SORL1: variants seen among roughly 807,000 people sequenced by gnomAD.
SORL1 encodes the protein sortilin related receptor 1, also known as sortilin-related receptor.
In SORL1, 127 loss-of-function variants were observed where a neutral mutation model predicts 273.7. The ratio of observed to expected loss-of-function variants is 0.46; its 90% CI spans 0.40 to 0.54. The LOEUF is 0.54. Among genes scored for constraint, SORL1 ranks in the 20% least tolerant of loss-of-function variants. The probability of loss-of-function intolerance (pLI) is 0.00; values close to 1 mark genes in which losing one functional copy is unlikely to be tolerated. For synonymous variants in SORL1, 1,031 were observed against 1,067.4 expected (o/e 0.97, Z 0.66); for missense variants, 2,494 against 2,846.1 (o/e 0.88, Z 2.81).
At chr11:121,549,253 T>TG (rs975167386) in intron 14 of SORL1, among the ~76,000 whole-genome samples, 8 of 152,158 alleles carry the variant, frequency 5.3e-5, no homozygotes, top group African/African-American at 1.9e-4. Flanking sequence ...GACAGGGGCT[T>TG]GCTCTGTTGC....
chr11:121,516,796 G>A (rs1861960799), intron 8 of SORL1, among the ~76,000 whole-genome samples: 1 of 152,168 alleles, frequency 6.6e-6, no homozygotes, highest in Admixed American at 6.5e-5. Context: ...GCTCACGCCT[G>A]TAAACCCAGC....
chr11:121,532,641 C>A, intron 12 of SORL1, 89 bp downstream of exon 12: 1 of 1,060,784 alleles, frequency 9.4e-7, no homozygotes, highest in Non-Finnish European at 1.4e-6. Flanking sequence ...CTCTATAGCA[C>A]TATGTTGTTG....
At chr11:121,602,623 A>G (rs1863410646) in intron 32 of SORL1, among the ~76,000 whole-genome samples, 1 of 152,092 alleles carries the variant, frequency 6.6e-6, no homozygotes, top group African/African-American at 2.4e-5. Flanking sequence ...GAGAAGAGGG[A>G]GGGGGTCGAG....
At chr11:121,467,231 G>A (rs560163556) in intron 1 of SORL1, among the ~76,000 whole-genome samples, 1 of 152,186 alleles carries the variant, frequency 6.6e-6, no homozygotes, top group African/African-American at 2.4e-5. Context: ...GGGTTTCACC[G>A]TGTTAGCCAG....
At chr11:121,477,947 G>T (rs1334332749) in intron 2 of SORL1, among the ~76,000 whole-genome samples, 171 bp from the exon 3 acceptor site, 1 of 150,484 alleles carries the variant, frequency 6.6e-6, no homozygotes, top group Non-Finnish European at 1.5e-5. Context: ...CAAGAGAATC[G>T]CTTGAACCCG....
In SORL1 at chr11:121,595,615, T is replaced by C; in HGVS notation, c.4370-8T>C. 6.4e-6 allele frequency: 10 copies of C among 1,561,346 alleles called. No homozygotes were observed. The highest frequency in any genetic ancestry group is 8.7e-6 in the Non-Finnish European group (10 of 1,152,788). On this transcript the variant is annotated splice_polypyrimidine_tract_variant and splice_region_variant and intron_variant, in intron 31 of 47. Coordinates refer to ENST00000260197, the MANE Select transcript of SORL1 (RefSeq NM_003105.6). The surrounding 1 kb of genome is among the most constrained non-coding windows in gnomAD (Gnocchi z 5.1). ...TAAAAAGTAAATTTTAAAAATCTTTTATTTTAGCAAACGTCACTGCTGCCT... is the reference window on the plus strand; with the variant it reads ...TAAAAAGTAAATTTTAAAAATCTTTCATTTTAGCAAACGTCACTGCTGCCT...
At chr11:121,600,799 G>C (rs999683320) in intron 32 of SORL1, among the ~76,000 whole-genome samples, 1 of 152,202 alleles carries the variant, frequency 6.6e-6, no homozygotes, top group African/African-American at 2.4e-5. Flanking sequence ...TCTATTCTAA[G>C]TGCCTGTTAA....
intron 31 of SORL1, among the ~76,000 whole-genome samples, chr11:121,594,458 C>A (rs965859180): frequency 4.0e-5 from 6 of 149,652 alleles, no homozygotes; most frequent in Non-Finnish European, 7.4e-5. Flanking sequence ...CCCCAATTTT[C>A]TAGGAGATTT....
chr11:121,598,063 T>C (rs1340323123), intron 32 of SORL1, among the ~76,000 whole-genome samples: 1 of 151,834 alleles, frequency 6.6e-6, no homozygotes, highest in Non-Finnish European at 1.5e-5. Flanking sequence ...TGCAGAGAGG[T>C]AGGCATGAGG....
intron 34 of SORL1, 46 bp from the exon 35 acceptor site, chr11:121,605,356 C>A: frequency 1.3e-6 from 2 of 1,589,258 alleles, no homozygotes; most frequent in Non-Finnish European, 1.7e-6. Flanking sequence ...TCTCAGCCCC[C>A]CATGCTGCTC....
At chr11:121,516,451 G>A (rs1348707998) in intron 8 of SORL1, among the ~76,000 whole-genome samples, 1 of 152,148 alleles carries the variant, frequency 6.6e-6, no homozygotes, top group Non-Finnish European at 1.5e-5. Flanking sequence ...GCTGGGGCAG[G>A]GGCAATATTG....
chr11:121,595,881 G>T lies in SORL1; in HGVS notation c.4519+109G>T. On this transcript the variant is annotated intron_variant, in intron 32 of 47. Coordinates refer to ENST00000260197, the MANE Select transcript of SORL1 (RefSeq NM_003105.6). This position sits in a 1 kb window ranked among gnomAD's most constrained non-coding sequence, Gnocchi z 5.1. ...AGCACACGCCTGTGTGTGAGTCTGTGTACTTGCGTAACCATGCTCTTACTG... is the reference window on the plus strand; with the variant it reads ...AGCACACGCCTGTGTGTGAGTCTGTTTACTTGCGTAACCATGCTCTTACTG... 1 of 1,211,014 alleles carries T rather than the reference G, an allele frequency of 8.3e-7. No homozygotes were observed. The highest frequency in any genetic ancestry group is 1.1e-6 in the Non-Finnish European group (1 of 875,166). The allele number at this position is 1,211,014 out of a possible 1,614,324, so 75.0% of individuals were successfully genotyped here.
intron 21 of SORL1, among the ~76,000 whole-genome samples, chr11:121,562,274 A>C (rs1862688680): frequency 6.6e-6 from 1 of 152,134 alleles, no homozygotes. Flanking sequence ...TCCTCTAAGA[A>C]AGAATGTGAC....
chr11:121,518,596 A>G (rs534355747), intron 8 of SORL1, among the ~76,000 whole-genome samples: 1 of 152,244 alleles, frequency 6.6e-6, no homozygotes, highest in African/African-American at 2.4e-5. Context: ...AGCAGAGGTC[A>G]GCAGAGAAGG....
chr11:121,543,830 T>A, intron 13 of SORL1, 104 bp downstream of exon 13: 1 of 1,113,206 alleles, frequency 9.0e-7, no homozygotes, highest in Non-Finnish European at 1.3e-6. Flanking sequence ...AGCCTGACAT[T>A]CATTGGGGGA....
intron 8 of SORL1, among the ~76,000 whole-genome samples, chr11:121,516,827 G>T (rs1861961341): frequency 6.6e-6 from 1 of 152,102 alleles, no homozygotes; most frequent in East Asian, 1.9e-4. Context: ...GCCAAGATGG[G>T]TAGATCACGA....
rs1409436083 is a variant in SORL1, at chr11:121,530,716, TA to T, written c.1597-1747del. Among the ~76,000 whole-genome samples the T allele has an allele frequency of 5.3e-5, 8 of 152,336 alleles. No homozygotes were observed. The South Asian group carries it at 6.2e-4, about 12-fold the overall frequency. On this transcript the variant is annotated intron_variant, in intron 11 of 47. Coordinates refer to ENST00000260197, the MANE Select transcript of SORL1 (RefSeq NM_003105.6). ...AATTTTCAGCCATTATTTCTTCAAA[TA>T]TTTTTTTTCTGCTCCCATCCCTTTC...
intron 5 of SORL1, among the ~76,000 whole-genome samples, chr11:121,494,962 A>T (rs1287643462): frequency 6.6e-6 from 1 of 152,178 alleles, no homozygotes; most frequent in East Asian, 1.9e-4. Flanking sequence ...CACACAGAGG[A>T]TCTGATAATG....
At chr11:121,458,693 G>T (rs557075107) in intron 1 of SORL1, among the ~76,000 whole-genome samples, 74 of 152,252 alleles carry the variant, frequency 4.9e-4, no homozygotes, top group Non-Finnish European at 8.2e-4. Flanking sequence ...TTGGCTTATC[G>T]ACCTGTGAAC....
Sources: gnomAD v4.1 joint callset for allele counts (sites outside exome capture counted in the v4.1 genomes callset) on GRCh38, gnomAD v4.1.1 for gene constraint, Gnocchi (gnomAD v3.1) non-coding constraint, MANE v1.5 for transcripts, NCBI Gene and HGNC (gene_info 2026-07-23, HGNC 2026-07-21) for gene names.